Variants in GNAI3 observed in about 807,000 individuals in gnomAD.
GNAI3 encodes guanine nucleotide-binding protein G(i) subunit alpha-3.
GNAI3 carries 12 observed loss-of-function variants against 41.8 expected under a neutral mutation model. The observed-to-expected ratio is 0.29, with a 90% CI of 0.18 to 0.47. GNAI3 has a LOEUF of 0.47. Among genes scored for constraint, GNAI3 ranks in the 20% least tolerant of loss-of-function variants. GNAI3 has a pLI of 1.00. For missense variants in GNAI3, 360 were observed against 429.6 expected (o/e 0.84, Z 1.43); for synonymous variants, 132 against 146.5 (o/e 0.90, Z 0.71).
chr1:109,556,676 G>T (rs1490718477), intron 1 of GNAI3, among the ~76,000 whole-genome samples: 2 of 152,034 alleles, frequency 1.3e-5, no homozygotes, highest in African/African-American at 4.8e-5. Context: ...GAACTTTTCT[G>T]TTTCAGTACC....
At chr1:109,563,766 A>AT (rs397774580) in intron 1 of GNAI3, among the ~76,000 whole-genome samples, 1 of 152,140 alleles carries the variant, frequency 6.6e-6, no homozygotes, top group Non-Finnish European at 1.5e-5. Flanking sequence ...CTTTTAAAAA[A>AT]CATCTCCCCC....
chr1:109,580,298 C>T (rs1379758652), intron 4 of GNAI3, among the ~76,000 whole-genome samples: 6 of 152,182 alleles, frequency 3.9e-5, no homozygotes, highest in Admixed American at 3.3e-4. Flanking sequence ...GTGCCTGGTC[C>T]GGAATGTATT....
chr1:109,564,736 G>GA (rs1463762114), intron 1 of GNAI3, among the ~76,000 whole-genome samples: 1 of 152,184 alleles, frequency 6.6e-6, no homozygotes, highest in African/African-American at 2.4e-5. Context: ...GGCCTAGATC[G>GA]TGTGGGCCAT....
chr1:109,552,691 A>G (rs923561457), intron 1 of GNAI3, among the ~76,000 whole-genome samples: 6 of 152,150 alleles, frequency 3.9e-5, no homozygotes, highest in Admixed American at 3.3e-4. Context: ...TAATTTCATA[A>G]TAAGAAATTT....
At chr1:109,589,369 G>A (rs1214460704) in intron 7 of GNAI3, among the ~76,000 whole-genome samples, 1 of 152,196 alleles carries the variant, frequency 6.6e-6, no homozygotes, top group African/African-American at 2.4e-5. Flanking sequence ...TTGACCTGCT[G>A]TTGAGAGCAG....
rs1249840271 is a variant in GNAI3 at position 109,596,011 on chromosome 1, A to G, written c.*3689A>G. 1 of 152,190 alleles carries G rather than the reference A, an allele frequency of 6.6e-6. No homozygotes were observed. The highest frequency in any genetic ancestry group is 1.5e-5 in the Non-Finnish European group (1 of 68,036). 9.4% of individuals were successfully genotyped at this position (152,190 alleles called of 1,614,324 possible). A position where few individuals can be genotyped will look rare whatever the true frequency, so the allele number is the denominator to read the frequency against. On this transcript the variant is annotated 3_prime_UTR_variant, in exon 9 of 9. Coordinates refer to ENST00000369851, the MANE Select transcript of GNAI3 (RefSeq NM_006496.4). ...TGTTCTACTTTAGGCTTCGTAGTGC[A>G]AATCAGGGATCTGACCTGGATCAGC...
rs867443526 is a variant in GNAI3 at position 109,578,487 on chromosome 1, A to G, written c.304-717A>G. Among the ~76,000 whole-genome samples the G allele has an allele frequency of 2.5e-3, 382 of 151,044 alleles. 3 individuals are homozygous for G. Among genetic ancestry groups the G allele is most frequent in the African/African-American group, 8.0e-3 (330 of 41,268 alleles). On this transcript the variant is annotated intron_variant, in intron 3 of 8. Coordinates refer to ENST00000369851, the MANE Select transcript of GNAI3 (RefSeq NM_006496.4). Reference sequence around the variant, plus strand: ...CTCCGTCTCAAAAAAAAAAAAAAAAAAAAAGAAAAGAAATAAAGAAAACCA... The same window carrying G: ...CTCCGTCTCAAAAAAAAAAAAAAAAGAAAAGAAAAGAAATAAAGAAAACCA...
intron 1 of GNAI3, among the ~76,000 whole-genome samples, chr1:109,550,781 C>T (rs970675146): frequency 2.0e-5 from 3 of 152,210 alleles, no homozygotes; most frequent in Non-Finnish European, 2.9e-5. Context: ...GATCCACCCG[C>T]CTTGGCCTCC....
chr1:109,589,982 AT>A (rs1302925347), intron 7 of GNAI3, among the ~76,000 whole-genome samples: 2 of 152,306 alleles, frequency 1.3e-5, no homozygotes, highest in East Asian at 1.9e-4. Context: ...TTCCTCAATA[AT>A]TTTTTTAAAA....
rs1260459564 is a variant in GNAI3, at chr1:109,600,053, G to A, written c.*7731G>A. ...ATGGGGCTGGACTATTTTTAAGTTT[G>A]TTCTAACTTTAGCAGTCTTAAGAAT... On this transcript the variant is annotated 3_prime_UTR_variant, in exon 9 of 9. Coordinates refer to ENST00000369851, the MANE Select transcript of GNAI3 (RefSeq NM_006496.4). 6.6e-6 allele frequency: 1 copy of A among 150,864 alleles called. No homozygotes were observed. Among genetic ancestry groups the A allele is most frequent in the Admixed American group, 6.6e-5 (1 of 15,080 alleles). 9.3% of individuals were successfully genotyped at this position (150,864 alleles called of 1,614,324 possible). A position where few individuals can be genotyped will look rare whatever the true frequency, so the allele number is the denominator to read the frequency against.
intron 1 of GNAI3, among the ~76,000 whole-genome samples, chr1:109,561,616 A>G (rs1043253077): frequency 8.5e-5 from 13 of 152,206 alleles, no homozygotes; most frequent in Non-Finnish European, 1.9e-4. Flanking sequence ...GCCTGGAGAT[A>G]GAAATGAGAA....
chr1:109,562,729 C>T (rs1484887173), intron 1 of GNAI3, among the ~76,000 whole-genome samples: 1 of 152,128 alleles, frequency 6.6e-6, no homozygotes, highest in Non-Finnish European at 1.5e-5. Flanking sequence ...GGATTAAATA[C>T]ACCTGTAGAA....
intron 1 of GNAI3, among the ~76,000 whole-genome samples, chr1:109,558,727 TC>T (rs1648225639): frequency 6.6e-6 from 1 of 151,124 alleles, no homozygotes; most frequent in African/African-American, 2.4e-5. Context: ...ATAATTTGCT[TC>T]TAAGTTTTTG....
At chr1:109,557,604 A>T (rs1395303893) in intron 1 of GNAI3, among the ~76,000 whole-genome samples, 1 of 152,094 alleles carries the variant, frequency 6.6e-6, no homozygotes, top group Non-Finnish European at 1.5e-5. Flanking sequence ...TGTGATACCC[A>T]ACCCCCACCC....
chr1:109,577,110 C>A (rs6537837), intron 3 of GNAI3, among the ~76,000 whole-genome samples: 1 of 150,692 alleles, frequency 6.6e-6, no homozygotes, highest in African/African-American at 2.4e-5. Flanking sequence ...ATGAAGACTT[C>A]ACATGTTAGA....
chr1:109,559,810 C>T (rs551718276), intron 1 of GNAI3, among the ~76,000 whole-genome samples: 11 of 152,204 alleles, frequency 7.2e-5, no homozygotes, highest in Admixed American at 2.6e-4. Flanking sequence ...ATCCTGTTAC[C>T]GGCTTAGTAA....
chr1:109,559,022 C>CA (rs1296799911), intron 1 of GNAI3, among the ~76,000 whole-genome samples: 1 of 151,674 alleles, frequency 6.6e-6, no homozygotes, highest in African/African-American at 2.4e-5. Context: ...ACTAAAAATA[C>CA]AAAAAATTAG....
intron 1 of GNAI3, among the ~76,000 whole-genome samples, chr1:109,566,357 T>A (rs2101096024): frequency 6.6e-6 from 1 of 152,282 alleles, no homozygotes; most frequent in Non-Finnish European, 1.5e-5. Flanking sequence ...GACCGTAAAG[T>A]CCATAAACTT....
chr1:109,598,754 G>A lies in GNAI3; in HGVS notation c.*6432G>A, dbSNP rs989295630. 3.0e-6 allele frequency: 1 copy of A among 334,492 alleles called. No homozygotes were observed. Among genetic ancestry groups the A allele is most frequent in the East Asian group, 7.2e-5 (1 of 13,914 alleles). 20.7% of individuals were successfully genotyped at this position (334,492 alleles called of 1,614,324 possible). On this transcript the variant is annotated 3_prime_UTR_variant, in exon 9 of 9. Transcript: ENST00000369851. ...TTTTTCATGGCAAAAAGACAGAAAA[G>A]TTCCCTTCTGCAGTCTCCAGTGTCT...
Sources: allele counts gnomAD v4.1 joint callset (sites outside exome capture counted in the v4.1 genomes callset), GRCh38; gene constraint gnomAD v4.1.1; transcripts MANE v1.5; gene names NCBI Gene and HGNC (gene_info 2026-07-23, HGNC 2026-07-21).